The following SPRR2G variants were observed in gnomAD, a reference collection of about 807,000 sequenced individuals.
The protein encoded by SPRR2G is small proline-rich protein 2G.
A neutral mutation model predicts 0.7 loss-of-function variants in SPRR2G; 1 was observed. The observed-to-expected ratio is 1.49, with a 90% CI of 0.53 to 7.06. The LOEUF (loss-of-function observed/expected upper bound fraction) is 7.06, where lower values mean the gene tolerates loss of function less well. SPRR2G is among the 30% of genes most tolerant of loss of function. SPRR2G has a pLI of 0.14. For synonymous variants in SPRR2G, 38 were observed against 33.9 expected, an observed-to-expected ratio of 1.12 and a Z score of -0.42; for missense variants, 96 against 88.5, an observed-to-expected ratio of 1.09 and a Z score of -0.34.
the SPRR2G span, among the ~76,000 whole-genome samples, chr1:153,158,104 G>A: frequency 2.0e-5 from 3 of 152,082 alleles, no homozygotes; most frequent in Non-Finnish European, 4.4e-5. Flanking sequence ...CAAATCTCAT[G>A]TCCTTTTCAC....
At chr1:153,174,954 A>C in the SPRR2G span, among the ~76,000 whole-genome samples, 18 of 152,184 alleles carry the variant, frequency 1.2e-4, no homozygotes, top group Non-Finnish European at 2.2e-4. Context: ...TTAATACCTC[A>C]GGCAGCAGGC....
At chr1:153,162,348 T>G in the SPRR2G span, among the ~76,000 whole-genome samples, 1 of 152,222 alleles carries the variant, frequency 6.6e-6, no homozygotes, top group African/African-American at 2.4e-5. Flanking sequence ...TCATTCTGTT[T>G]TATGGCTGCA....
chr1:153,185,332 T>C, the SPRR2G span, among the ~76,000 whole-genome samples: 455 of 132,408 alleles, frequency 3.4e-3, 2 homozygotes, highest in African/African-American at 0.013. Context: ...ATCCTTCTGG[T>C]CCTGGGCTTT....
At chr1:153,150,966 T>C (rs1656456035), upstream of SPRR2G, 1 of 152,296 alleles carries the variant, frequency 6.6e-6, no homozygotes, top group Non-Finnish European at 1.5e-5. Flanking sequence ...ACTAGCATGA[T>C]GTGCTTATTT....
upstream of SPRR2G, among the ~76,000 whole-genome samples, chr1:153,152,813 A>G (rs1348928185): frequency 6.6e-6 from 1 of 152,158 alleles, no homozygotes; most frequent in African/African-American, 2.4e-5. Context: ...ACAATTTTAG[A>G]CCTACTTTTC....
At chr1:153,174,387 A>T in the SPRR2G span, 1 of 152,252 alleles carries the variant, frequency 6.6e-6, no homozygotes, top group East Asian at 1.9e-4. Flanking sequence ...GAGGCTAAGC[A>T]TATAGGGGAA....
At chr1:153,178,686 C>A in the SPRR2G span, among the ~76,000 whole-genome samples, 6 of 151,984 alleles carry the variant, frequency 3.9e-5, no homozygotes, top group East Asian at 7.7e-4. Context: ...CTGATATTTT[C>A]TTAAGGATTT....
the SPRR2G span, among the ~76,000 whole-genome samples, chr1:153,169,053 C>A: frequency 2.4e-4 from 37 of 152,216 alleles, no homozygotes; most frequent in Middle Eastern, 3.4e-3. Flanking sequence ...CCCAGAGAAA[C>A]CTCAAAACTG....
At chr1:153,198,307 C>T in the SPRR2G span, among the ~76,000 whole-genome samples, 13 of 152,160 alleles carry the variant, frequency 8.5e-5, no homozygotes, top group African/African-American at 3.1e-4. Context: ...TTGACCCAAC[C>T]AAGAGCCTTG....
the SPRR2G span, among the ~76,000 whole-genome samples, chr1:153,168,027 A>G: frequency 6.6e-6 from 1 of 152,134 alleles, no homozygotes; most frequent in Non-Finnish European, 1.5e-5. Context: ...ATTCTAAATC[A>G]CCTTCTTGGT....
At chr1:153,154,376 T>A (rs1352167561), upstream of SPRR2G, among the ~76,000 whole-genome samples, 1 of 152,122 alleles carries the variant, frequency 6.6e-6, no homozygotes, top group East Asian at 1.9e-4. Flanking sequence ...ATACAATGAA[T>A]TTGGAAGTGG....
upstream of SPRR2G, among the ~76,000 whole-genome samples, chr1:153,151,398 G>GGT (rs1430027657): frequency 6.6e-6 from 1 of 152,124 alleles, no homozygotes; most frequent in Non-Finnish European, 1.5e-5. Context: ...ACTTGAACAG[G>GGT]GTGACAAAAT....
At chr1:153,191,796 C>T in the SPRR2G span, 1 of 152,188 alleles carries the variant, frequency 6.6e-6, no homozygotes, top group Non-Finnish European at 1.5e-5. Flanking sequence ...ACCACAGTAG[C>T]ACAAGTCTCA....
At chr1:153,179,459 C>G in the SPRR2G span, among the ~76,000 whole-genome samples, 1 of 152,028 alleles carries the variant, frequency 6.6e-6, no homozygotes, top group Non-Finnish European at 1.5e-5. Flanking sequence ...TTTATAATAT[C>G]CACTCATTTT....
the SPRR2G span, among the ~76,000 whole-genome samples, chr1:153,201,136 T>A: frequency 6.6e-6 from 1 of 152,232 alleles, no homozygotes; most frequent in Non-Finnish European, 1.5e-5. Flanking sequence ...AAGCCTGTTC[T>A]GTGTTTCGTC....
intron 1 of SPRR2G, 38 bp from the exon 2 acceptor site, chr1:153,150,169 C>T: frequency 6.2e-7 from 1 of 1,604,812 alleles, no homozygotes. Context: ...ATAAGAGAGA[C>T]AGTCCTGTTG....
At chr1:153,162,109 A>G in the SPRR2G span, among the ~76,000 whole-genome samples, 592 of 152,196 alleles carry the variant, frequency 3.9e-3, 9 homozygotes, top group African/African-American at 0.013. Context: ...TCACCCAGAT[A>G]TTAAGCCTAG....
chr1:153,196,813 A>T, the SPRR2G span, among the ~76,000 whole-genome samples: 1 of 152,072 alleles, frequency 6.6e-6, no homozygotes, highest in East Asian at 1.9e-4. Flanking sequence ...CTGCTGAGGG[A>T]TTTTCTCTTC....
At chr1:153,195,620 G>A in the SPRR2G span, among the ~76,000 whole-genome samples, 1 of 152,164 alleles carries the variant, frequency 6.6e-6, no homozygotes. Flanking sequence ...AAGAAAAACT[G>A]CTTTAGACAA....
Sources: gnomAD v4.1 joint callset for allele counts (sites outside exome capture counted in the v4.1 genomes callset) on GRCh38, gnomAD v4.1.1 for gene constraint, MANE v1.5 for transcripts, NCBI Gene and HGNC (gene_info 2026-07-23, HGNC 2026-07-21) for gene names.